TRIM6: variants seen among roughly 807,000 people sequenced by gnomAD.
The protein encoded by TRIM6 is tripartite motif containing 6.
In TRIM6, 43 loss-of-function variants were observed where a neutral mutation model predicts 51.2. That is an observed-to-expected ratio of 0.84 (90% CI 0.66 to 1.08). The LOEUF (loss-of-function observed/expected upper bound fraction) is 1.08, where lower values mean the gene tolerates loss of function less well. Ranked by LOEUF, TRIM6 falls within the 50% of genes least tolerant of loss-of-function variation. The probability of loss-of-function intolerance (pLI) is 0.00; values close to 1 mark genes in which losing one functional copy is unlikely to be tolerated. For missense variants in TRIM6, 669 were observed against 619.0 expected, an observed-to-expected ratio of 1.08 and a Z score of -0.86; for synonymous variants, 215 against 232.4, an observed-to-expected ratio of 0.93 and a Z score of 0.68.
intron 5 of TRIM6, among the ~76,000 whole-genome samples, chr11:5,608,849 T>A (rs1447057014): frequency 1.5e-5 from 2 of 133,106 alleles, no homozygotes; most frequent in Non-Finnish European, 3.1e-5. Flanking sequence ...GCCCATAAAT[T>A]TTTTTTTTTT....
At chr11:5,608,579 A>C (rs1848365329) in intron 5 of TRIM6, among the ~76,000 whole-genome samples, 185 bp downstream of exon 5, 1 of 152,050 alleles carries the variant, frequency 6.6e-6, no homozygotes, top group Non-Finnish European at 1.5e-5. Context: ...CTGGTAGGAA[A>C]ATGTGGGTGA....
upstream of TRIM6, chr11:5,596,553 C>CCCTTCCCCTCCCCCCTTCCA (rs1847474096): frequency 8.6e-6 from 1 of 116,274 alleles, no homozygotes; most frequent in Non-Finnish European, 1.8e-5. Context: ...TCCCCCTTCC[C>CCCTTCCCCTCCCCCCTTCCA]CCTTCCCCTC....
At chr11:5,605,310 G>T in intron 3 of TRIM6, 27 bp from the exon 4 acceptor site, 1 of 1,613,490 alleles carries the variant, frequency 6.2e-7, no homozygotes, top group Non-Finnish European at 8.5e-7. Flanking sequence ...CCGACTAGCA[G>T]CCTCTTTTTC....
intron 5 of TRIM6, among the ~76,000 whole-genome samples, chr11:5,609,303 C>A (rs1463519634): frequency 1.3e-5 from 2 of 152,124 alleles, no homozygotes; most frequent in Non-Finnish European, 2.9e-5. Flanking sequence ...CAGCTAGTGG[C>A]ATAACATTCC....
chr11:5,610,846 G>C lies in TRIM6; in HGVS notation c.1055G>C (p.Arg352Thr). The part of the protein sequence containing the change: ...LVLAKNRRQV[R>T]FVGAKVSGPS... ...CTGGCTAAAAACCGGAGACAAGTGAGGTTTGTGGGAGCTAAAGTATCTGGA... is the reference window on the plus strand; with the variant it reads ...CTGGCTAAAAACCGGAGACAAGTGACGTTTGTGGGAGCTAAAGTATCTGGA... Residue 352 changes from arginine to threonine, a missense_variant, in exon 8 of 8, where the codon AGG (arginine) becomes ACG (threonine). Coordinates refer to ENST00000380097, the MANE Select transcript of TRIM6 (RefSeq NM_001003818.3). The C allele has an allele frequency of 1.9e-6, 3 of 1,614,204 alleles. No individual in the cohort carries two copies. The highest frequency in any genetic ancestry group is 2.5e-6 in the Non-Finnish European group (3 of 1,180,048).
At chr11:5,603,969 T>C (rs1848037261) in intron 2 of TRIM6, among the ~76,000 whole-genome samples, 1 of 151,914 alleles carries the variant, frequency 6.6e-6, no homozygotes, top group South Asian at 2.1e-4. Context: ...TGGAGATATG[T>C]TGGCAGGGTA....
At chr11:5,598,377 A>T (rs1847606791) in intron 1 of TRIM6, among the ~76,000 whole-genome samples, 3 of 152,208 alleles carry the variant, frequency 2.0e-5, no homozygotes, top group African/African-American at 7.2e-5. Context: ...TTTCTGCTCA[A>T]GAATTTTTCT....
intron 1 of TRIM6, among the ~76,000 whole-genome samples, 169 bp downstream of exon 1, chr11:5,597,083 T>G (rs1367856139): frequency 6.8e-6 from 1 of 147,638 alleles, no homozygotes; most frequent in Non-Finnish European, 1.5e-5. Context: ...AATCAGTCAG[T>G]CAATAGAGAC....
chr11:5,603,105 A>G, intron 1 of TRIM6, 141 bp from the exon 2 acceptor site: 2 of 1,394,884 alleles, frequency 1.4e-6, no homozygotes, highest in South Asian at 3.1e-5. Context: ...GAGCCGGGAT[A>G]AAGAACGTAT....
At position 5,596,848 on chromosome 11, in the gene TRIM6, A is replaced by G. The variant is rs761318056; in HGVS notation, c.-50A>G. 10 of 1,613,484 alleles carry G rather than the reference A, an allele frequency of 6.2e-6. No individual in the cohort carries two copies. The East Asian group carries it at 2.2e-4, about 36-fold the overall frequency. On this transcript the variant is annotated 5_prime_UTR_variant, in exon 1 of 8. Coordinates refer to ENST00000380097, the MANE Select transcript of TRIM6 (RefSeq NM_001003818.3). ...CCTTGGATTGCTCTGAAGAGCTTTGACCACCTGATATTGCTTACATCTGGA... is the reference window on the plus strand; with the variant it reads ...CCTTGGATTGCTCTGAAGAGCTTTGGCCACCTGATATTGCTTACATCTGGA...
chr11:5,610,045 A>G, intron 5 of TRIM6, 100 bp from the exon 6 acceptor site: 2 of 1,221,620 alleles, frequency 1.6e-6, no homozygotes, highest in Non-Finnish European at 2.3e-6. Flanking sequence ...TTCAGAAAGG[A>G]GGATTGGAAT....
chr11:5,603,747 G>A lies in TRIM6; in HGVS notation c.507+12G>A, dbSNP rs1848019669. ...CCCAGGAGTACCAGGTGAGACCCCA[G>A]GATGGAATGGGAGACAGAGAAACAG... On this transcript the variant is annotated intron_variant, in intron 2 of 7. Transcript: ENST00000380097. 6.2e-7 allele frequency: 1 copy of A among 1,611,642 alleles called. No homozygotes were observed. Among genetic ancestry groups the A allele is most frequent in the Non-Finnish European group, 8.5e-7 (1 of 1,178,568 alleles).
chr11:5,602,272 C>T (rs1847911923), intron 1 of TRIM6, among the ~76,000 whole-genome samples: 1 of 122,702 alleles, frequency 8.1e-6, no homozygotes, highest in African/African-American at 2.6e-5. Context: ...AACCTCATCT[C>T]TACTAAAAAA....
Position 5,603,748 on chromosome 11 carries a change from G to T in TRIM6, c.507+13G>T, listed in dbSNP as rs1447113832. The T allele has an allele frequency of 6.2e-7, 1 of 1,611,576 alleles. No homozygotes were observed. The highest frequency in any genetic ancestry group is 1.3e-5 in the African/African-American group (1 of 74,724). The stretch of plus-strand genomic sequence containing the variant: ...CCAGGAGTACCAGGTGAGACCCCAG[G>T]ATGGAATGGGAGACAGAGAAACAGG... On this transcript the variant is annotated intron_variant, in intron 2 of 7. Transcript: ENST00000380097.
intron 5 of TRIM6, among the ~76,000 whole-genome samples, chr11:5,609,725 A>G (rs937663722): frequency 1.3e-5 from 2 of 152,158 alleles, no homozygotes; most frequent in Admixed American, 6.5e-5. Context: ...GATCAAAACC[A>G]TCCTGGCTAA....
chr11:5,610,100 C>G, intron 5 of TRIM6, 45 bp from the exon 6 acceptor site: 1 of 1,607,600 alleles, frequency 6.2e-7, no homozygotes, highest in Admixed American at 1.7e-5. Flanking sequence ...GGTGGAGGAA[C>G]CCACAGTCAG....
At chr11:5,606,681 C>T (rs1004297177) in intron 4 of TRIM6, among the ~76,000 whole-genome samples, 9 of 152,060 alleles carry the variant, frequency 5.9e-5, no homozygotes, top group African/African-American at 2.2e-4. Flanking sequence ...TTCTCCTTCA[C>T]CTTTTGTTCT....
Position 5,603,334 on chromosome 11 carries a change from G to A in TRIM6, c.106G>A (p.Asp36Asn), listed in dbSNP as rs780354154. The change falls in exon 2 of 8, where the codon GAC (aspartate) becomes AAC (asparagine). Residue 36 changes from aspartate (D) to asparagine (N), a missense_variant. By Grantham distance (23) the Asp-to-Asn change is conservative. Transcript: ENST00000380097. ...TACAATGACTTCACCAGTACTGGTGGACATACGAGAAGAGGTGACCTGCCC... is the reference window on the plus strand; with the variant it reads ...TACAATGACTTCACCAGTACTGGTGAACATACGAGAAGAGGTGACCTGCCC... ...VATMTSPVLV[D>N]IREEVTCPIC... The A allele has an allele frequency of 3.1e-6, 5 of 1,614,098 alleles. No homozygotes were observed. Among genetic ancestry groups the A allele is most frequent in the Middle Eastern group, 1.6e-4 (1 of 6,062 alleles).
rs541124540 is a variant in TRIM6, at chr11:5,603,576, T to C, written c.348T>C (p.Pro116=). The change falls in exon 2 of 8, where the codon CCT becomes CCC. Residue 116 remains proline (P), a synonymous_variant. Transcript: ENST00000380097. Reference sequence around the variant, plus strand: ...GGCTCAGAGAGGTAGTGTTGGGCCCTGGGAAGCAGCTGAAAGCAGTTCTTT... The same window carrying C: ...GGCTCAGAGAGGTAGTGTTGGGCCCCGGGAAGCAGCTGAAAGCAGTTCTTT... ...VRRLREVVLG[P]GKQLKAVLCA... 6.2e-7 allele frequency: 1 copy of C among 1,613,912 alleles called. No homozygotes were observed. Among genetic ancestry groups the C allele is most frequent in the South Asian group, 1.1e-5 (1 of 91,056 alleles).
Sources: gnomAD v4.1 joint callset for allele counts (sites outside exome capture counted in the v4.1 genomes callset) on GRCh38, gnomAD v4.1.1 for gene constraint, MANE v1.5 for transcripts, NCBI Gene and HGNC (gene_info 2026-07-23, HGNC 2026-07-21) for gene names.